The following RBM47 variants were observed in gnomAD, a reference collection of about 807,000 sequenced individuals.
RBM47 encodes RNA binding motif protein 47.
A neutral mutation model predicts 47.1 loss-of-function variants in RBM47; 21 were observed. The observed-to-expected ratio is 0.45, with a 90% CI of 0.32 to 0.64. The LOEUF (loss-of-function observed/expected upper bound fraction) is 0.64, where lower values mean the gene tolerates loss of function less well. Ranked by LOEUF, RBM47 falls within the 30% of genes least tolerant of loss-of-function variation. RBM47 has a pLI of 0.05. For synonymous variants in RBM47, 375 were observed against 361.7 expected, an observed-to-expected ratio of 1.04 and a Z score of -0.42; for missense variants, 708 against 870.9, an observed-to-expected ratio of 0.81 and a Z score of 2.35.
intron 2 of RBM47, among the ~76,000 whole-genome samples, chr4:40,517,681 C>A (rs777873588): frequency 1.3e-5 from 2 of 152,062 alleles, no homozygotes; most frequent in Non-Finnish European, 2.9e-5. Context: ...CTCATGTACC[C>A]CATAAATATA....
intron 1 of RBM47, among the ~76,000 whole-genome samples, chr4:40,621,130 T>C (rs1303321286): frequency 1.3e-5 from 2 of 151,808 alleles, no homozygotes; most frequent in African/African-American, 4.8e-5. Context: ...TACTATTGCC[T>C]TTTTTTTACT....
At chr4:40,579,124 A>T (rs1170145425) in intron 1 of RBM47, among the ~76,000 whole-genome samples, 4 of 63,882 alleles carry the variant, frequency 6.3e-5, no homozygotes, top group Non-Finnish European at 1.1e-4. Context: ...ATCTTAAATT[A>T]AAAAAAAAAA....
chr4:40,544,949 G>A (rs1285151972), intron 1 of RBM47, among the ~76,000 whole-genome samples: 1 of 151,792 alleles, frequency 6.6e-6, no homozygotes, highest in Non-Finnish European at 1.5e-5. Flanking sequence ...GTCCCAGCTT[G>A]TTGGAGGAGC....
intron 2 of RBM47, among the ~76,000 whole-genome samples, chr4:40,510,187 C>CAAAAAAA (rs1192114584): frequency 9.6e-6 from 1 of 104,244 alleles, no homozygotes; most frequent in African/African-American, 3.6e-5. Flanking sequence ...AACTCCATCT[C>CAAAAAAA]AAAAAAAAAA....
In RBM47 at chr4:40,424,609, T is replaced by C. The variant is rs1311053296; in HGVS notation, c.*1295A>G. The C allele has an allele frequency of 6.6e-6, 1 of 152,200 alleles. No individual in the cohort carries two copies. The highest frequency in any genetic ancestry group is 1.5e-5 in the Non-Finnish European group (1 of 68,032). 9.4% of individuals were successfully genotyped at this position (152,200 alleles called of 1,614,324 possible). On this transcript the variant is annotated 3_prime_UTR_variant, in exon 7 of 7. Transcript: ENST00000295971. ...TTCTACAGGTCTCTCCTCCTCCTCC[T>C]GGATGTGCACACCCCAATCCAGTTC...
At chr4:40,471,130 G>A (rs1442296430) in intron 2 of RBM47, among the ~76,000 whole-genome samples, 1 of 152,174 alleles carries the variant, frequency 6.6e-6, no homozygotes, top group Non-Finnish European at 1.5e-5. Flanking sequence ...ACCAGGTTGA[G>A]AGTCAAATAA....
chr4:40,604,888 T>C (rs1735622175), intron 1 of RBM47, among the ~76,000 whole-genome samples: 2 of 152,120 alleles, frequency 1.3e-5, no homozygotes, highest in Admixed American at 1.3e-4. Flanking sequence ...GACTAATTTT[T>C]GTATTTTTAG....
intron 2 of RBM47, among the ~76,000 whole-genome samples, chr4:40,488,986 C>T (rs1847118): frequency 0.49 from 74,768 of 151,972 alleles, 19,055 homozygotes; most frequent in South Asian, 0.7. Context: ...AGATGTAGAA[C>T]TCATATCCAG....
intron 2 of RBM47, among the ~76,000 whole-genome samples, chr4:40,483,554 G>A (rs78529961): frequency 0.057 from 8,652 of 152,182 alleles, 281 homozygotes; most frequent in South Asian, 0.1. Flanking sequence ...TGTGCAGCCG[G>A]GTGCATTGGC....
Position 40,437,997 on chromosome 4 carries a change from G to A in RBM47, c.897C>T (p.Asn299=). The change falls in exon 4 of 7, where the codon AAC becomes AAT. Residue 299 remains asparagine, a synonymous_variant. Transcript: ENST00000295971. ...TSREDAVHAM[N]NLNGTELEGS... is the part of the protein sequence containing the mutation. ...CCTCCAGCTCAGTGCCGTTGAGGTT[G>A]TTCATGGCATGCACGGCATCCTCGC... 5 of 1,613,638 alleles carry A rather than the reference G, an allele frequency of 3.1e-6. No individual in the cohort carries two copies. Among genetic ancestry groups the A allele is most frequent in the Non-Finnish European group, 4.2e-6 (5 of 1,180,020 alleles).
intron 2 of RBM47, among the ~76,000 whole-genome samples, chr4:40,484,771 C>T (rs2154243413): frequency 6.6e-6 from 1 of 152,316 alleles, no homozygotes; most frequent in South Asian, 2.1e-4. Flanking sequence ...AATCACCTTC[C>T]TCCAAAAGGA....
At chr4:40,469,230 C>CAAA (rs1560394109) in intron 2 of RBM47, among the ~76,000 whole-genome samples, 135 of 152,136 alleles carry the variant, frequency 8.9e-4, no homozygotes, top group African/African-American at 3.1e-3. Flanking sequence ...GAATTGAAAG[C>CAAA]AAATTATTAA....
intron 1 of RBM47, among the ~76,000 whole-genome samples, chr4:40,626,925 T>C (rs932436255): frequency 6.6e-6 from 1 of 152,214 alleles, no homozygotes; most frequent in Non-Finnish European, 1.5e-5. Flanking sequence ...ATCATTTCTA[T>C]GACAATTCTC....
In RBM47 at chr4:40,578,709, TC is replaced by T. The variant is rs532068359; in HGVS notation, c.-239-34204del. Among the ~76,000 whole-genome samples the T allele has an allele frequency of 1.7e-3, 261 of 152,352 alleles. 1 individual carries two copies. The highest frequency in any genetic ancestry group is 5.9e-3 in the African/African-American group (247 of 41,578). On this transcript the variant is annotated intron_variant, in intron 1 of 6. Transcript: ENST00000295971. ...TACCTAGGACAAGAGATATGACTTC[TC>T]ACTGCCTCAGTTCCTCATCTGTAAA...
intron 1 of RBM47, among the ~76,000 whole-genome samples, chr4:40,602,450 C>T (rs1054594303): frequency 4.0e-5 from 6 of 151,542 alleles, no homozygotes; most frequent in Admixed American, 1.3e-4. Flanking sequence ...GATATCGAGA[C>T]CATCCTGGCC....
chr4:40,495,303 T>A (rs958373790), intron 2 of RBM47, among the ~76,000 whole-genome samples: 1 of 152,154 alleles, frequency 6.6e-6, no homozygotes, highest in African/African-American at 2.4e-5. Context: ...CCCTCCTCAA[T>A]TTGTTCCCTA....
intron 2 of RBM47, among the ~76,000 whole-genome samples, chr4:40,500,921 G>A (rs1324229925): frequency 4.6e-5 from 7 of 151,794 alleles, no homozygotes; most frequent in African/African-American, 1.7e-4. Flanking sequence ...TTTCTATCAC[G>A]TCTCTTACTC....
chr4:40,438,460 C>T lies in RBM47; in HGVS notation c.434G>A (p.Cys145Tyr). ...EIRPGRLLGVCCSVDNCRLFI... is the reference protein window; with the variant it reads ...EIRPGRLLGVYCSVDNCRLFI... Reference sequence around the variant, plus strand: ...GAGGCGGCAGTTGTCCACGCTGCAGCACACGCCGAGCAGGCGGCCCGGGCG... The same window carrying T: ...GAGGCGGCAGTTGTCCACGCTGCAGTACACGCCGAGCAGGCGGCCCGGGCG... Residue 145 changes from cysteine (C) to tyrosine (Y), a missense_variant, in exon 4 of 7, where the codon TGC (cysteine) becomes TAC (tyrosine). Physicochemically the swap from Cys to Tyr is radical, Grantham distance 194. Coordinates refer to ENST00000295971, the MANE Select transcript of RBM47 (RefSeq NM_001098634.2). 6.2e-7 allele frequency: 1 copy of T among 1,613,594 alleles called. No homozygotes were observed.
chr4:40,578,656 T>C (rs1484761975), intron 1 of RBM47, among the ~76,000 whole-genome samples: 1 of 152,242 alleles, frequency 6.6e-6, no homozygotes, highest in Non-Finnish European at 1.5e-5. Context: ...CATTTTCTCT[T>C]CTACCTTAAC....
Sources: gnomAD v4.1 joint callset for allele counts (sites outside exome capture counted in the v4.1 genomes callset) on GRCh38, gnomAD v4.1.1 for gene constraint, MANE v1.5 for transcripts, NCBI Gene and HGNC (gene_info 2026-07-23, HGNC 2026-07-21) for gene names.